FER: variants seen among roughly 807,000 people sequenced by gnomAD.
FER encodes FER tyrosine kinase.
Under a neutral mutation model 111.0 loss-of-function variants are expected in FER, and 63 were observed. The observed-to-expected ratio is 0.57, with a 90% CI of 0.46 to 0.70. FER has a LOEUF of 0.70. FER is among the 30% of genes least tolerant of loss of function. The pLI is 0.00. For missense variants in FER, 914 were observed against 954.0 expected (o/e 0.96, Z 0.55); for synonymous variants, 327 against 313.9 (o/e 1.04, Z -0.44).
intron 14 of FER, among the ~76,000 whole-genome samples, chr5:109,038,250 A>G (rs988473520): frequency 2.0e-5 from 3 of 151,886 alleles, no homozygotes; most frequent in African/African-American, 7.2e-5. Flanking sequence ...ATTTCCATTA[A>G]TATATAAAAA....
intron 16 of FER, among the ~76,000 whole-genome samples, chr5:109,099,382 A>G (rs540184133): frequency 6.6e-6 from 1 of 151,680 alleles, no homozygotes; most frequent in East Asian, 1.9e-4. Flanking sequence ...TTAAATTAAA[A>G]TACTGATATT....
intron 17 of FER, among the ~76,000 whole-genome samples, chr5:109,117,372 CAG>C (rs34917212): frequency 0.038 from 5,719 of 152,140 alleles, 158 homozygotes; most frequent in Non-Finnish European, 0.057. Flanking sequence ...TCATGTGAAA[CAG>C]GGAAATATCA....
At chr5:108,850,725 T>C (rs887246007) in intron 5 of FER, among the ~76,000 whole-genome samples, 7 of 152,194 alleles carry the variant, frequency 4.6e-5, no homozygotes, top group Non-Finnish European at 7.4e-5. Flanking sequence ...ATTTTGTTTA[T>C]TTAGGGCAGA....
At chr5:109,083,517 G>A (rs904058753) in intron 16 of FER, among the ~76,000 whole-genome samples, 3 of 151,916 alleles carry the variant, frequency 2.0e-5, no homozygotes, top group Admixed American at 1.3e-4. Context: ...CAAATGGCTG[G>A]GCTGAAATCT....
At chr5:108,818,875 G>A (rs1035001429) in intron 3 of FER, among the ~76,000 whole-genome samples, 17 of 152,186 alleles carry the variant, frequency 1.1e-4, no homozygotes, top group Non-Finnish European at 2.1e-4. Context: ...ATACTACAAA[G>A]TAGGTAGCCT....
At chr5:108,898,597 TC>T (rs1478352398) in intron 10 of FER, among the ~76,000 whole-genome samples, 5 of 122,912 alleles carry the variant, frequency 4.1e-5, no homozygotes, top group Non-Finnish European at 6.8e-5. Context: ...TCCCCTCCCT[TC>T]CCCTCCCCTT....
At chr5:109,003,321 A>G (rs1765055880) in intron 13 of FER, among the ~76,000 whole-genome samples, 1 of 152,214 alleles carries the variant, frequency 6.6e-6, no homozygotes, top group African/African-American at 2.4e-5. Context: ...TTTGAGGGAC[A>G]TGGATGAAGA....
chr5:108,865,172 T>C (rs1763913552), intron 5 of FER, among the ~76,000 whole-genome samples: 1 of 152,162 alleles, frequency 6.6e-6, no homozygotes, highest in Non-Finnish European at 1.5e-5. Context: ...TATTGGTGTA[T>C]AAGAATGCTT....
intron 17 of FER, among the ~76,000 whole-genome samples, chr5:109,150,378 C>T (rs1561959937): frequency 6.6e-6 from 1 of 152,114 alleles, no homozygotes; most frequent in African/African-American, 2.4e-5. Context: ...TTTGTTATTT[C>T]CTTTAGGTTC....
chr5:108,843,629 A>G (rs573025376), intron 5 of FER, among the ~76,000 whole-genome samples: 7 of 151,176 alleles, frequency 4.6e-5, no homozygotes, highest in African/African-American at 1.5e-4. Flanking sequence ...TCCCAGGTTC[A>G]AGTAATTCTC....
chr5:108,986,473 GT>G (rs1390366036), intron 13 of FER, among the ~76,000 whole-genome samples: 7 of 151,960 alleles, frequency 4.6e-5, no homozygotes, highest in Admixed American at 6.6e-5. Context: ...ATTTATCTTT[GT>G]TTTTGTTGCA....
Position 109,032,020 on chromosome 5 carries a change from A to G in FER, c.1657-5402A>G, listed in dbSNP as rs1483547152. Among the ~76,000 whole-genome samples the G allele has an allele frequency of 2.0e-5, 3 of 152,322 alleles. No individual in the cohort carries two copies. The South Asian group carries it at 6.2e-4, about 32-fold the overall frequency. On this transcript the variant is annotated intron_variant, in intron 13 of 19. Coordinates refer to ENST00000281092, the MANE Select transcript of FER (RefSeq NM_005246.4). Reference sequence around the variant, plus strand: ...TGGAGCATAACTACCATTTTACATGAGTCTAATGGAATATATCCTTATATA... The same window carrying G: ...TGGAGCATAACTACCATTTTACATGGGTCTAATGGAATATATCCTTATATA...
At chr5:108,769,548 G>A (rs750797029) in intron 2 of FER, among the ~76,000 whole-genome samples, 1 of 152,158 alleles carries the variant, frequency 6.6e-6, no homozygotes, top group African/African-American at 2.4e-5. Flanking sequence ...GAAAGTGAAA[G>A]CTGGCTTTTA....
chr5:108,816,061 ACAC>A (rs999909151), intron 3 of FER, among the ~76,000 whole-genome samples: 3 of 151,810 alleles, frequency 2.0e-5, no homozygotes, highest in Non-Finnish European at 4.4e-5. Flanking sequence ...CTAACTAACT[ACAC>A]CACCGCCCCC....
intron 10 of FER, among the ~76,000 whole-genome samples, chr5:108,916,672 A>G (rs994590632): frequency 2.6e-5 from 4 of 152,170 alleles, no homozygotes; most frequent in Admixed American, 1.3e-4. Flanking sequence ...TACTTATAAA[A>G]TATTCATAGT....
At chr5:109,092,649 A>C (rs1273881915) in intron 16 of FER, among the ~76,000 whole-genome samples, 1 of 152,306 alleles carries the variant, frequency 6.6e-6, no homozygotes, top group East Asian at 1.9e-4. Flanking sequence ...AATCCTGTGC[A>C]TTGCCGTTAT....
chr5:108,969,439 T>G (rs1287914183), intron 13 of FER, among the ~76,000 whole-genome samples: 1 of 152,128 alleles, frequency 6.6e-6, no homozygotes, highest in Non-Finnish European at 1.5e-5. Flanking sequence ...GTTGTTACCT[T>G]TTATATAAAA....
chr5:109,169,348 T>A (rs1756873382), intron 17 of FER, among the ~76,000 whole-genome samples: 1 of 152,114 alleles, frequency 6.6e-6, no homozygotes. Flanking sequence ...GAATTTCAGA[T>A]CTTTGTTTCA....
At chr5:108,844,251 A>G (rs1424869961) in intron 5 of FER, among the ~76,000 whole-genome samples, 1 of 152,154 alleles carries the variant, frequency 6.6e-6, no homozygotes, top group Non-Finnish European at 1.5e-5. Context: ...ATACCTAAGC[A>G]TATATTTTCT....
Sources: allele counts gnomAD v4.1 joint callset (sites outside exome capture counted in the v4.1 genomes callset), GRCh38; gene constraint gnomAD v4.1.1; transcripts MANE v1.5; gene names NCBI Gene and HGNC (gene_info 2026-07-23, HGNC 2026-07-21).